Variants in MAP3K9 observed in about 807,000 individuals in gnomAD.
MAP3K9 encodes mitogen-activated protein kinase kinase kinase 9.
A neutral mutation model predicts 95.8 loss-of-function variants in MAP3K9; 46 were observed. That is an observed-to-expected ratio of 0.48 (90% confidence interval 0.38 to 0.61). The LOEUF is 0.61. Among genes scored for constraint, MAP3K9 ranks in the 20% least tolerant of loss-of-function variants. The probability of loss-of-function intolerance (pLI) is 0.00; values close to 1 mark genes in which losing one functional copy is unlikely to be tolerated. For missense variants in MAP3K9, 1,296 were observed against 1,474.3 expected (o/e 0.88, Z 1.98); for synonymous variants, 533 against 593.8 (o/e 0.90, Z 1.49).
At chr14:70,730,964 C>CA (rs2053894048) in intron 11 of MAP3K9, 100 bp from the exon 12 acceptor site, 1 of 1,286,678 alleles carries the variant, frequency 7.8e-7, no homozygotes, top group Admixed American at 2.6e-5. Flanking sequence ...CCTACGCAAT[C>CA]AGGAGAACAT....
At chr14:70,798,578 A>T (rs1303074499) in intron 2 of MAP3K9, among the ~76,000 whole-genome samples, 2 of 134,738 alleles carry the variant, frequency 1.5e-5, no homozygotes, top group East Asian at 4.3e-4. Context: ...TCCCGGGTTC[A>T]CGCCATTCTC....
chr14:70,792,620 C>T (rs2054818837), intron 2 of MAP3K9, among the ~76,000 whole-genome samples: 1 of 152,232 alleles, frequency 6.6e-6, no homozygotes, highest in African/African-American at 2.4e-5. Flanking sequence ...AATGCCACAT[C>T]ATCCCTGACC....
intron 1 of MAP3K9, among the ~76,000 whole-genome samples, chr14:70,805,360 CTT>C (rs918289668): frequency 1.3e-5 from 2 of 152,174 alleles, no homozygotes; most frequent in African/African-American, 2.4e-5. Flanking sequence ...AAACAACTCT[CTT>C]GTTAGAGAAA....
rs1271876956 is a variant in MAP3K9, at chr14:70,726,508, C to A, written c.*3872G>T. The A allele has an allele frequency of 2.6e-5, 4 of 152,274 alleles. No homozygotes were observed. Among genetic ancestry groups the A allele is most frequent in the Non-Finnish European group, 5.9e-5 (4 of 68,054 alleles). The allele number at this position is 152,274 out of a possible 1,614,324, so 9.4% of individuals were successfully genotyped here. A position where few individuals can be genotyped will look rare whatever the true frequency, so the allele number is the denominator to read the frequency against. ...CTCTCATTTCCTTCTCTGTAAGACA[C>A]AACCTCCCTCTCCCATTTCCTTCTC... On this transcript the variant is annotated 3_prime_UTR_variant, in exon 12 of 12. Coordinates refer to ENST00000554752, the MANE Select transcript of MAP3K9 (RefSeq NM_001284230.2).
chr14:70,787,279 C>T (rs555630964), intron 2 of MAP3K9, among the ~76,000 whole-genome samples: 24 of 151,884 alleles, frequency 1.6e-4, no homozygotes, highest in Non-Finnish European at 3.1e-4. Flanking sequence ...GAGGCCAAGA[C>T]GGGCGGATCA....
At chr14:70,771,588 CACT>C (rs956710356) in intron 2 of MAP3K9, among the ~76,000 whole-genome samples, 4 of 152,036 alleles carry the variant, frequency 2.6e-5, no homozygotes, top group African/African-American at 9.7e-5. Flanking sequence ...CTCGCTCCAC[CACT>C]GTGTGACCTT....
At chr14:70,783,883 C>A (rs1230168388) in intron 2 of MAP3K9, among the ~76,000 whole-genome samples, 2 of 152,206 alleles carry the variant, frequency 1.3e-5, no homozygotes, top group East Asian at 1.9e-4. Context: ...CGTGTCCAAA[C>A]CCTTTTTGAA....
intron 2 of MAP3K9, among the ~76,000 whole-genome samples, chr14:70,770,650 G>T (rs116847051): frequency 0.03 from 4,494 of 152,274 alleles, 93 homozygotes; most frequent in South Asian, 0.066. Flanking sequence ...GATACAATCT[G>T]CCCCAGGCTT....
chr14:70,769,619 G>C (rs112677092), intron 2 of MAP3K9, among the ~76,000 whole-genome samples: 1 of 152,298 alleles, frequency 6.6e-6, no homozygotes, highest in African/African-American at 2.4e-5. Context: ...AGGTTCCAGG[G>C]AAGGATCCTT....
intron 2 of MAP3K9, among the ~76,000 whole-genome samples, chr14:70,788,741 A>C (rs2054774948): frequency 6.6e-6 from 1 of 152,194 alleles, no homozygotes; most frequent in Non-Finnish European, 1.5e-5. Context: ...TTTCTTAAGG[A>C]CCTACTAAGT....
At chr14:70,795,851 C>G (rs910960374) in intron 2 of MAP3K9, among the ~76,000 whole-genome samples, 2 of 151,770 alleles carry the variant, frequency 1.3e-5, no homozygotes, top group Non-Finnish European at 2.9e-5. Flanking sequence ...CTCTGCCTCC[C>G]GGGTTCAAAT....
intron 4 of MAP3K9, among the ~76,000 whole-genome samples, chr14:70,749,224 C>T (rs2054192495): frequency 2.0e-5 from 3 of 152,180 alleles, no homozygotes. Context: ...TGCAGCAGTT[C>T]TGTACTCATT....
chr14:70,742,683 T>C lies in MAP3K9; in HGVS notation c.1327-92A>G, dbSNP rs542661288. 271 of 1,461,286 alleles carry C rather than the reference T, an allele frequency of 1.9e-4. 2 individuals carry two copies. The South Asian group carries it at 2.3e-3, about 13-fold the overall frequency. The allele number at this position is 1,461,286 out of a possible 1,614,324, so 90.5% of individuals were successfully genotyped here. A position where few individuals can be genotyped will look rare whatever the true frequency, so the allele number is the denominator to read the frequency against. On this transcript the variant is annotated intron_variant, in intron 5 of 11. Transcript: ENST00000554752. ...GGCCTGAGAGCTCCCAGAGGGCTTA[T>C]GGTGACCTGGAGAGCTCTCCTATGA... is the stretch of plus-strand genomic sequence containing the variant.
Position 70,777,321 on chromosome 14 carries a change from G to A in MAP3K9, c.821-16139C>T, listed in dbSNP as rs187175132. Among the ~76,000 whole-genome samples the A allele has an allele frequency of 2.0e-5, 3 of 152,224 alleles. No individual in the cohort carries two copies. In the East Asian group the frequency reaches 5.8e-4, roughly 29 times the overall value. Reference sequence around the variant, plus strand: ...TGACTCATCCCCAGAGCAGCAGAAAGCACTCTTAGACAGTGGTGAGAAAGG... The same window carrying A: ...TGACTCATCCCCAGAGCAGCAGAAAACACTCTTAGACAGTGGTGAGAAAGG... On this transcript the variant is annotated intron_variant, in intron 2 of 11. Coordinates refer to ENST00000554752, the MANE Select transcript of MAP3K9 (RefSeq NM_001284230.2).
chr14:70,771,811 G>A (rs1230937767), intron 2 of MAP3K9, among the ~76,000 whole-genome samples: 1 of 152,228 alleles, frequency 6.6e-6, no homozygotes, highest in African/African-American at 2.4e-5. Context: ...GGGCTCCTGA[G>A]TGGCACGTGA....
At chr14:70,793,825 G>A (rs1183110516) in intron 2 of MAP3K9, among the ~76,000 whole-genome samples, 1 of 152,210 alleles carries the variant, frequency 6.6e-6, no homozygotes, top group East Asian at 1.9e-4. Context: ...TAACTTGGCA[G>A]GTTGGCTTAC....
At chr14:70,754,161 T>C (rs1226176135) in intron 3 of MAP3K9, among the ~76,000 whole-genome samples, 1 of 152,220 alleles carries the variant, frequency 6.6e-6, no homozygotes, top group African/African-American at 2.4e-5. Flanking sequence ...TAATTCTTCT[T>C]CTTATTAACT....
At chr14:70,788,577 T>C (rs1252275313) in intron 2 of MAP3K9, among the ~76,000 whole-genome samples, 6 of 152,200 alleles carry the variant, frequency 3.9e-5, no homozygotes, top group Non-Finnish European at 8.8e-5. Flanking sequence ...ACAGTTCACA[T>C]GGGCTCATCC....
Position 70,740,063 on chromosome 14 carries a change from G to A in MAP3K9, c.1669C>T (p.Pro557Ser), listed in dbSNP as rs2054047843. ...TCACACTGGATGGCTCGAAGGCGAG[G>A]AATGATGGTGGGGCTTGCAGGAGGA... is the stretch of plus-strand genomic sequence containing the variant. Reference protein sequence around the residue: ...SSPPASPTIIPRLRAIQLTPG... With the variant: ...SSPPASPTIISRLRAIQLTPG... The change falls in exon 7 of 12, where the codon CCT becomes TCT. Residue 557 changes from proline to serine, a missense_variant. Transcript: ENST00000554752. The A allele has an allele frequency of 1.9e-6, 3 of 1,614,072 alleles. No individual in the cohort carries two copies. Among genetic ancestry groups the A allele is most frequent in the Non-Finnish European group, 8.5e-7 (1 of 1,180,050 alleles).
Sources: allele counts gnomAD v4.1 joint callset (sites outside exome capture counted in the v4.1 genomes callset), GRCh38; gene constraint gnomAD v4.1.1; transcripts MANE v1.5; gene names NCBI Gene and HGNC (gene_info 2026-07-23, HGNC 2026-07-21).